PPP6R2: variants seen among roughly 807,000 people sequenced by gnomAD.
PPP6R2 encodes serine/threonine-protein phosphatase 6 regulatory subunit 2.
Under a neutral mutation model 100.2 loss-of-function variants are expected in PPP6R2, and 62 were observed. The observed-to-expected ratio is 0.62, with a 90% CI of 0.50 to 0.76. PPP6R2 has a LOEUF of 0.76. Among genes scored for constraint, PPP6R2 ranks in the 30% least tolerant of loss-of-function variants. The pLI, the probability that PPP6R2 is intolerant of heterozygous loss-of-function variation, is 0.00. For synonymous variants in PPP6R2, 525 were observed against 514.7 expected, an observed-to-expected ratio of 1.02 and a Z score of -0.27; for missense variants, 1,142 against 1,276.3, an observed-to-expected ratio of 0.89 and a Z score of 1.60.
chr22:50,346,645 C>T (rs186711013), intron 1 of PPP6R2, among the ~76,000 whole-genome samples: 36 of 146,380 alleles, frequency 2.5e-4, no homozygotes, highest in African/African-American at 8.2e-4. Flanking sequence ...TGCCCCCCAC[C>T]GTCAGTCAGT....
intron 8 of PPP6R2, among the ~76,000 whole-genome samples, chr22:50,421,944 A>C (rs1158020531): frequency 6.6e-6 from 1 of 152,148 alleles, no homozygotes; most frequent in East Asian, 1.9e-4. Flanking sequence ...TGAAGGTTTT[A>C]AAAGTGGGAC....
Position 50,441,560 on chromosome 22 carries a change from A to G in PPP6R2, c.2579+534A>G, listed in dbSNP as rs189873302. Among the ~76,000 whole-genome samples, 320 of 152,252 alleles carry G rather than the reference A, an allele frequency of 2.1e-3. 2 individuals carry two copies. The highest frequency in any genetic ancestry group is 7.4e-3 in the African/African-American group (308 of 41,554). On this transcript the variant is annotated intron_variant, in intron 22 of 23. Transcript: ENST00000612753. ...TTCCGAGACGCCTCAGAAGCAGGAT[A>G]GTAGGATGGGGGGCGGCGGCCTCAG...
At chr22:50,405,496 C>T (rs141175264) in intron 3 of PPP6R2, among the ~76,000 whole-genome samples, 11,803 of 81,556 alleles carry the variant, frequency 0.14, 1,533 homozygotes, top group Admixed American at 0.2. Context: ...GCCTGGCAGA[C>T]GAGTGTGAAG....
At chr22:50,441,052 C>A in intron 22 of PPP6R2, 26 bp downstream of exon 22, 2 of 1,507,938 alleles carry the variant, frequency 1.3e-6, no homozygotes, top group Non-Finnish European at 1.8e-6. Flanking sequence ...CGGGGGCGGG[C>A]CTGCCGGGTG....
chr22:50,388,019 G>A (rs1443000214), intron 2 of PPP6R2, among the ~76,000 whole-genome samples: 1 of 152,138 alleles, frequency 6.6e-6, no homozygotes, highest in African/African-American at 2.4e-5. Flanking sequence ...GAACAAAACA[G>A]TGGCTGGGCG....
upstream of PPP6R2, among the ~76,000 whole-genome samples, chr22:50,340,890 AGATGT>A (rs1378415163): frequency 6.6e-6 from 1 of 151,860 alleles, no homozygotes; most frequent in Non-Finnish European, 1.5e-5. Context: ...GGGGTAGGGA[AGATGT>A]GATGTGACCT....
chr22:50,425,975 C>G (rs1025393140), intron 10 of PPP6R2, among the ~76,000 whole-genome samples: 1 of 149,978 alleles, frequency 6.7e-6, no homozygotes, highest in Admixed American at 6.7e-5. Context: ...TATCTTTTTA[C>G]ATAAAAAATT....
the PPP6R2 span, among the ~76,000 whole-genome samples, chr22:50,335,662 C>T: frequency 6.7e-6 from 1 of 149,208 alleles, no homozygotes; most frequent in Non-Finnish European, 1.5e-5. Flanking sequence ...CAGGTGCGCA[C>T]CACCACACCC....
chr22:50,339,156 GGTATGTGGT>G (rs1288740796), upstream of PPP6R2, among the ~76,000 whole-genome samples: 8 of 143,680 alleles, frequency 5.6e-5, no homozygotes, highest in South Asian at 1.8e-3. Flanking sequence ...GTGTGTGTGT[GGTATGTGGT>G]GTGTGTGGTG....
chr22:50,371,180 T>G (rs2050125412), intron 1 of PPP6R2, among the ~76,000 whole-genome samples: 1 of 152,184 alleles, frequency 6.6e-6, no homozygotes, highest in Non-Finnish European at 1.5e-5. Flanking sequence ...CTAGGATAAT[T>G]ATAAAATGGA....
chr22:50,428,306 G>A (rs1331056274), intron 10 of PPP6R2, among the ~76,000 whole-genome samples: 1 of 152,208 alleles, frequency 6.6e-6, no homozygotes, highest in African/African-American at 2.4e-5. Flanking sequence ...CAGTGCTAGT[G>A]TATGGAAATG....
intron 3 of PPP6R2, among the ~76,000 whole-genome samples, chr22:50,403,159 A>G (rs988569532): frequency 1.2e-4 from 19 of 152,152 alleles, no homozygotes; most frequent in African/African-American, 4.3e-4. Context: ...GTGAGCTGAG[A>G]TAGCACCACT....
intron 18 of PPP6R2, 40 bp from the exon 19 acceptor site, chr22:50,438,559 G>C: frequency 6.2e-7 from 1 of 1,608,476 alleles, no homozygotes; most frequent in South Asian, 1.1e-5. Context: ...TTAGGCGTCC[G>C]TCCTGGGCCA....
intron 2 of PPP6R2, among the ~76,000 whole-genome samples, chr22:50,386,106 T>C (rs1205492925): frequency 6.6e-6 from 1 of 150,988 alleles, no homozygotes; most frequent in Non-Finnish European, 1.5e-5. Flanking sequence ...ATTACAGACG[T>C]GAACCACTGC....
At chr22:50,347,492 C>G (rs1307653082) in intron 1 of PPP6R2, among the ~76,000 whole-genome samples, 2 of 152,080 alleles carry the variant, frequency 1.3e-5, no homozygotes, top group Non-Finnish European at 2.9e-5. Flanking sequence ...CCCATCATCT[C>G]TTCCTTCAGC....
At chr22:50,439,572 C>T in intron 19 of PPP6R2, 129 bp from the exon 20 acceptor site, 1 of 1,076,430 alleles carries the variant, frequency 9.3e-7, no homozygotes, top group Non-Finnish European at 1.3e-6. Context: ...CTGCCTGGGC[C>T]TCCCTCCTGG....
In PPP6R2 at chr22:50,394,144, C is replaced by T. The variant is rs1303109798; in HGVS notation, c.227+9C>T. On this transcript the variant is annotated intron_variant, in intron 3 of 23. Transcript: ENST00000612753. ...GAGAAGGTCCGCTTCAAGTATGTAC[C>T]AAAGCTGTGACGGGCCAGTACGCCA... The T allele has an allele frequency of 6.2e-7, 1 of 1,612,574 alleles. No homozygotes were observed. The highest frequency in any genetic ancestry group is 8.5e-7 in the Non-Finnish European group (1 of 1,179,008).
chr22:50,419,891 C>T (rs924155958), intron 8 of PPP6R2, among the ~76,000 whole-genome samples: 4 of 152,382 alleles, frequency 2.6e-5, no homozygotes, highest in South Asian at 2.1e-4. Context: ...GGGTGTGACA[C>T]TCACCGCTGT....
At chr22:50,378,940 T>G (rs1267151323) in intron 2 of PPP6R2, among the ~76,000 whole-genome samples, 1 of 151,206 alleles carries the variant, frequency 6.6e-6, no homozygotes, top group African/African-American at 2.4e-5. Context: ...AGGGCTCCAC[T>G]CTCATGAATG....
Sources: gnomAD v4.1 joint callset for allele counts (sites outside exome capture counted in the v4.1 genomes callset) on GRCh38, gnomAD v4.1.1 for gene constraint, MANE v1.5 for transcripts, NCBI Gene and HGNC (gene_info 2026-07-23, HGNC 2026-07-21) for gene names.